SLC39A10: variants seen among roughly 807,000 people sequenced by gnomAD.
The protein encoded by SLC39A10 is zinc transporter ZIP10.
A neutral mutation model predicts 65.1 loss-of-function variants in SLC39A10; 13 were observed. That is an observed-to-expected ratio of 0.20 (90% CI 0.13 to 0.32). The LOEUF (loss-of-function observed/expected upper bound fraction) is 0.32. Among genes scored for constraint, SLC39A10 ranks in the 10% least tolerant of loss-of-function variants. SLC39A10 has a pLI of 1.00. For missense variants in SLC39A10, 831 were observed against 1,018.4 expected (o/e 0.82, Z 2.50); for synonymous variants, 321 against 342.2 (o/e 0.94, Z 0.68).
At chr2:195,677,404 C>T (rs1690130593) in intron 1 of SLC39A10, among the ~76,000 whole-genome samples, 1 of 152,048 alleles carries the variant, frequency 6.6e-6, no homozygotes. Context: ...TAAAACTGAG[C>T]GTGGTGGCAC....
chr2:195,677,085 A>G (rs1221167180), intron 1 of SLC39A10, among the ~76,000 whole-genome samples: 1 of 152,176 alleles, frequency 6.6e-6, no homozygotes, highest in Non-Finnish European at 1.5e-5. Flanking sequence ...TTTTTATAAA[A>G]CTTTGTATTG....
At chr2:195,626,502 G>A (rs1688477637) in intron 2 of SLC39A10, among the ~76,000 whole-genome samples, 1 of 151,960 alleles carries the variant, frequency 6.6e-6, no homozygotes, top group South Asian at 2.1e-4. Flanking sequence ...TGAGATGACA[G>A]TAACAAAATT....
intron 2 of SLC39A10, among the ~76,000 whole-genome samples, chr2:195,624,691 A>G (rs559131076): frequency 1.4e-4 from 21 of 151,120 alleles, no homozygotes; most frequent in Admixed American, 1.4e-3. Context: ...CCTGGCCAAC[A>G]TGGCGAAACC....
intron 2 of SLC39A10, among the ~76,000 whole-genome samples, chr2:195,616,525 T>G (rs918203402): frequency 1.9e-4 from 29 of 151,566 alleles, no homozygotes; most frequent in African/African-American, 6.3e-4. Context: ...CAGGATGGTC[T>G]CGATCTCTTG....
intron 8 of SLC39A10, among the ~76,000 whole-genome samples, chr2:195,721,274 C>G (rs1391882137): frequency 6.6e-6 from 1 of 152,124 alleles, no homozygotes; most frequent in Non-Finnish European, 1.5e-5. Context: ...CACTTCTTCT[C>G]TCTACCTAGC....
At chr2:195,626,751 A>G (rs1688482384) in intron 2 of SLC39A10, among the ~76,000 whole-genome samples, 1 of 152,232 alleles carries the variant, frequency 6.6e-6, no homozygotes, top group South Asian at 2.1e-4. Flanking sequence ...GTATTTGTGC[A>G]AGGTACAGAT....
chr2:195,676,134 T>C (rs1262522273), intron 1 of SLC39A10, among the ~76,000 whole-genome samples: 1 of 152,154 alleles, frequency 6.6e-6, no homozygotes, highest in East Asian at 1.9e-4. Context: ...ATTGTTTATA[T>C]ATACACATTG....
intron 6 of SLC39A10, among the ~76,000 whole-genome samples, chr2:195,714,132 C>T (rs1022762363): frequency 4.6e-5 from 7 of 152,136 alleles, no homozygotes; most frequent in South Asian, 4.1e-4. Context: ...GGGGTTTCAC[C>T]GTGTCAGCCA....
At chr2:195,733,757 C>T (rs568550106) in intron 9 of SLC39A10, among the ~76,000 whole-genome samples, 227 of 152,156 alleles carry the variant, frequency 1.5e-3, no homozygotes, top group African/African-American at 5.0e-3. Flanking sequence ...CTCAAACTCC[C>T]GACCTCAGTT....
intron 7 of SLC39A10, 141 bp downstream of exon 7, chr2:195,717,146 C>T (rs934037573): frequency 1.3e-4 from 154 of 1,142,940 alleles, no homozygotes; most frequent in Middle Eastern, 5.5e-4. Flanking sequence ...GTTTTGTGTT[C>T]AGTTGTTACA....
At position 195,683,910 on chromosome 2, in the gene SLC39A10, A is replaced by G; in HGVS notation, c.1216+4A>G. 6.2e-7 allele frequency: 1 copy of G among 1,604,416 alleles called. No individual in the cohort carries two copies. Among genetic ancestry groups the G allele is most frequent in the South Asian group, 1.1e-5 (1 of 89,976 alleles). On this transcript the variant is annotated splice_donor_region_variant and intron_variant, in intron 3 of 9. Coordinates refer to ENST00000359634, the MANE Select transcript of SLC39A10 (RefSeq NM_020342.3). Reference sequence around the variant, plus strand: ...GAGGCAAATATAGGGGCATCAGGTAAGAGAGATTTTAAGTTTTTTCTCCTT... The same window carrying G: ...GAGGCAAATATAGGGGCATCAGGTAGGAGAGATTTTAAGTTTTTTCTCCTT...
intron 2 of SLC39A10, among the ~76,000 whole-genome samples, chr2:195,637,256 C>T (rs923257981): frequency 6.6e-5 from 10 of 152,188 alleles, no homozygotes; most frequent in African/African-American, 2.4e-4. Context: ...TCTCCATAAG[C>T]TGCATGTAGA....
chr2:195,701,856 A>G (rs1444283901), intron 3 of SLC39A10, among the ~76,000 whole-genome samples: 1 of 151,518 alleles, frequency 6.6e-6, no homozygotes, highest in Non-Finnish European at 1.5e-5. Context: ...TAGTTTTTGT[A>G]TTTTTAGTAG....
chr2:195,628,649 G>C (rs989448152), intron 2 of SLC39A10, among the ~76,000 whole-genome samples: 1 of 152,156 alleles, frequency 6.6e-6, no homozygotes, highest in Non-Finnish European at 1.5e-5. Context: ...AAAGGATGAG[G>C]GTGAATGGGA....
In SLC39A10 at chr2:195,735,841, G is replaced by A. The variant is rs1192758373; in HGVS notation, c.*800G>A. 6.8e-6 allele frequency: 1 copy of A among 147,286 alleles called. No individual in the cohort carries two copies. Among genetic ancestry groups the A allele is most frequent in the African/African-American group, 2.5e-5 (1 of 39,714 alleles). 9.1% of individuals were successfully genotyped at this position (147,286 alleles called of 1,614,324 possible). A position where few individuals can be genotyped will look rare whatever the true frequency, so the allele number is the denominator to read the frequency against. On this transcript the variant is annotated 3_prime_UTR_variant, in exon 10 of 10. Transcript: ENST00000359634. ...TTTTTTTTGGCGGGGGTAGGTGAGG[G>A]TTTGGAGCATGTGGTCTTTTTAAAA...
intron 8 of SLC39A10, among the ~76,000 whole-genome samples, chr2:195,719,730 G>A (rs1167896995): frequency 1.3e-5 from 2 of 150,488 alleles, no homozygotes; most frequent in Non-Finnish European, 2.9e-5. Context: ...CGATTCTCAT[G>A]CCTCAAGCCT....
At position 195,680,462 on chromosome 2, in the gene SLC39A10, A is replaced by G. The variant is rs139110059; in HGVS notation, c.420A>G (p.Gln140=). 9.5e-5 allele frequency: 153 copies of G among 1,614,194 alleles called. 1 individual carries two copies. In the South Asian group the frequency reaches 1.5e-3, roughly 15 times the overall value. The change falls in exon 2 of 10, where the codon CAA becomes CAG. Residue 140 remains glutamine, a synonymous_variant. Coordinates refer to ENST00000359634, the MANE Select transcript of SLC39A10 (RefSeq NM_020342.3). The part of the protein sequence containing the change: ...HSHNHLNSEN[Q]TVTSVSTKRN... ...ATAATCATTTAAATTCAGAAAATCA[A>G]ACTGTGACCAGTGTATCCACAAAAA...
At chr2:195,657,884 C>G (rs1482289231) in intron 1 of SLC39A10, among the ~76,000 whole-genome samples, 1 of 152,186 alleles carries the variant, frequency 6.6e-6, no homozygotes, top group Non-Finnish European at 1.5e-5. Context: ...GGCGGCGCCT[C>G]TGCTCCTACT....
At chr2:195,714,227 G>T (rs1323584401) in intron 6 of SLC39A10, among the ~76,000 whole-genome samples, 5 of 152,098 alleles carry the variant, frequency 3.3e-5, no homozygotes. Context: ...CACCGCGCCC[G>T]GCCGACAAAT....
Sources: gnomAD v4.1 joint callset for allele counts (sites outside exome capture counted in the v4.1 genomes callset) on GRCh38, gnomAD v4.1.1 for gene constraint, MANE v1.5 for transcripts, NCBI Gene and HGNC (gene_info 2026-07-23, HGNC 2026-07-21) for gene names.